The following SMG7 variants were observed in gnomAD, a reference collection of about 807,000 sequenced individuals.
The protein encoded by SMG7 is nonsense-mediated mRNA decay factor SMG7.
In SMG7, 34 loss-of-function variants were observed where a neutral mutation model predicts 148.2. That is an observed-to-expected ratio of 0.23 (90% CI 0.17 to 0.31). The LOEUF is 0.31. Among genes scored for constraint, SMG7 ranks in the 10% least tolerant of loss-of-function variants. The probability of loss-of-function intolerance (pLI) is 1.00; values close to 1 mark genes in which losing one functional copy is unlikely to be tolerated. For missense variants in SMG7, 1,114 were observed against 1,408.4 expected, an observed-to-expected ratio of 0.79 and a Z score of 3.35; for synonymous variants, 492 against 515.1, an observed-to-expected ratio of 0.96 and a Z score of 0.61.
chr1:183,498,012 G>C (rs1290046681), intron 1 of SMG7, among the ~76,000 whole-genome samples: 1 of 152,180 alleles, frequency 6.6e-6, no homozygotes, highest in Non-Finnish European at 1.5e-5. Flanking sequence ...TGACTTTTGA[G>C]TATCTTTTGT....
chr1:183,473,336 A>G, intron 1 of SMG7, among the ~76,000 whole-genome samples: 1 of 152,008 alleles, frequency 6.6e-6, no homozygotes, highest in Non-Finnish European at 1.5e-5. Flanking sequence ...GTCGGAAGAT[A>G]CCATTCTGAG....
chr1:183,534,015 A>G (rs1667302007), intron 10 of SMG7, among the ~76,000 whole-genome samples, 183 bp downstream of exon 10: 1 of 152,238 alleles, frequency 6.6e-6, no homozygotes. Context: ...TGAATTCTTC[A>G]TGTGAGGCTT....
At chr1:183,483,103 G>A (rs775691554) in intron 1 of SMG7, among the ~76,000 whole-genome samples, 12 of 152,144 alleles carry the variant, frequency 7.9e-5, no homozygotes, top group Non-Finnish European at 1.8e-4. Flanking sequence ...GTTGTGTCTT[G>A]TCTTAAATGA....
At chr1:183,517,259 T>C (rs986667042) in intron 3 of SMG7, among the ~76,000 whole-genome samples, 63 of 152,328 alleles carry the variant, frequency 4.1e-4, no homozygotes, top group South Asian at 6.2e-4. Context: ...GTAAGAGATA[T>C]GGCTTACTAT....
intron 4 of SMG7, among the ~76,000 whole-genome samples, chr1:183,519,191 CA>C (rs1226678555): frequency 1.3e-5 from 2 of 151,648 alleles, no homozygotes; most frequent in African/African-American, 4.8e-5. Flanking sequence ...AGACCTGTCT[CA>C]AAAAAAAGAA....
intron 13 of SMG7, among the ~76,000 whole-genome samples, chr1:183,541,424 G>A (rs1049889831): frequency 1.3e-5 from 2 of 152,182 alleles, no homozygotes; most frequent in Non-Finnish European, 2.9e-5. Context: ...TCACAGTCAT[G>A]GTAATTTGTA....
At position 183,516,969 on chromosome 1, in the gene SMG7, A is replaced by G. The variant is rs146476150; in HGVS notation, c.180-719A>G. Among the ~76,000 whole-genome samples the G allele has an allele frequency of 8.7e-4, 133 of 152,316 alleles. 2 individuals carry two copies. In the East Asian group the frequency reaches 0.018, roughly 21 times the overall value. ...TTTGCTTCCTTTAATCAGGCCAGTA[A>G]TATCTTCCCTTTGTTCTAGTTTTTT... On this transcript the variant is annotated intron_variant, in intron 3 of 22. Transcript: ENST00000688051.
At chr1:183,513,865 A>T (rs1288353896) in intron 2 of SMG7, among the ~76,000 whole-genome samples, 1 of 151,926 alleles carries the variant, frequency 6.6e-6, no homozygotes, top group Admixed American at 6.6e-5. Flanking sequence ...CCCCGTCTGT[A>T]TTAAAAATAC....
intron 14 of SMG7, among the ~76,000 whole-genome samples, chr1:183,544,060 A>G (rs1164840464): frequency 6.6e-6 from 1 of 152,214 alleles, no homozygotes; most frequent in Non-Finnish European, 1.5e-5. Context: ...ACTTGTTAGC[A>G]TCAGGCATCT....
chr1:183,490,260 A>G (rs1312789358), intron 1 of SMG7, among the ~76,000 whole-genome samples: 1 of 152,234 alleles, frequency 6.6e-6, no homozygotes, highest in African/African-American at 2.4e-5. Context: ...TTGTCTTTTC[A>G]TAAAGTTCAA....
intron 1 of SMG7, among the ~76,000 whole-genome samples, chr1:183,477,414 G>GTC (rs879846281): frequency 6.6e-6 from 1 of 151,754 alleles, no homozygotes; most frequent in Non-Finnish European, 1.5e-5. Context: ...GTGTGTGTGT[G>GTC]TGTGTATGTG....
chr1:183,494,289 CT>C (rs1469455968), intron 1 of SMG7, among the ~76,000 whole-genome samples: 1 of 150,486 alleles, frequency 6.6e-6, no homozygotes, highest in Non-Finnish European at 1.5e-5. Context: ...TTTTCCTTTC[CT>C]TTTGTTTGTA....
chr1:183,481,013 C>G (rs1054485337), intron 1 of SMG7, among the ~76,000 whole-genome samples: 1 of 152,136 alleles, frequency 6.6e-6, no homozygotes, highest in Non-Finnish European at 1.5e-5. Flanking sequence ...GGTTCTTTTT[C>G]AGGTTCTTTA....
intron 1 of SMG7, among the ~76,000 whole-genome samples, chr1:183,476,645 T>C (rs1346889451): frequency 2.0e-5 from 3 of 152,210 alleles, no homozygotes; most frequent in Non-Finnish European, 4.4e-5. Flanking sequence ...GATGATATTC[T>C]GGGCAGGAAA....
Position 183,549,832 on chromosome 1 carries a change from A to G in SMG7, c.3042A>G (p.Ala1014=). The change falls in exon 20 of 23, where the codon GCA becomes GCG. Residue 1014 remains alanine (A), a synonymous_variant. Coordinates refer to ENST00000688051, the MANE Select transcript of SMG7 (RefSeq NM_001375584.1). Reference sequence around the variant, plus strand: ...AAAACCTGACATCCAGCTCCAAAGCAGAACTCAGTCCCTCAATGGCCCCCC... The same window carrying G: ...AAAACCTGACATCCAGCTCCAAAGCGGAACTCAGTCCCTCAATGGCCCCCC... The part of the protein sequence containing the change: ...YGKNLTSSSK[A]ELSPSMAPQE... The G allele has an allele frequency of 6.2e-7, 1 of 1,613,902 alleles. No individual in the cohort carries two copies.
intron 1 of SMG7, among the ~76,000 whole-genome samples, chr1:183,480,188 G>T (rs770718352): frequency 1.3e-5 from 2 of 151,940 alleles, no homozygotes; most frequent in African/African-American, 2.4e-5. Context: ...TTTTTCACTT[G>T]TGTCGCTCTC....
intron 1 of SMG7, among the ~76,000 whole-genome samples, chr1:183,511,073 G>C (rs1662016325): frequency 6.6e-6 from 1 of 151,712 alleles, no homozygotes. Flanking sequence ...GAGGCAGGAG[G>C]ATCTCTTGAG....
chr1:183,521,563 A>C (rs1413681462), intron 4 of SMG7, among the ~76,000 whole-genome samples: 1 of 152,168 alleles, frequency 6.6e-6, no homozygotes, highest in Non-Finnish European at 1.5e-5. Context: ...ATAAGCTAAG[A>C]TGAGTTTTGA....
intron 10 of SMG7, among the ~76,000 whole-genome samples, chr1:183,534,308 TTC>T (rs1667357854): frequency 6.6e-6 from 1 of 152,254 alleles, no homozygotes; most frequent in African/African-American, 2.4e-5. Context: ...TCTCACCATT[TTC>T]TCTGTCATCT....
Sources: gnomAD v4.1 joint callset for allele counts (sites outside exome capture counted in the v4.1 genomes callset) on GRCh38, gnomAD v4.1.1 for gene constraint, MANE v1.5 for transcripts, NCBI Gene and HGNC (gene_info 2026-07-23, HGNC 2026-07-21) for gene names.